Variants in TUBB6 observed in about 807,000 individuals in gnomAD.
TUBB6 encodes the protein tubulin beta 6 class V, also known as tubulin beta-6 chain.
TUBB6 carries 18 observed loss-of-function variants against 32.3 expected under a neutral mutation model. The ratio of observed to expected loss-of-function variants is 0.56; its 90% CI spans 0.39 to 0.83. The LOEUF is 0.83. TUBB6 is among the 40% of genes least tolerant of loss of function. TUBB6 has a pLI of 0.00. For synonymous variants in TUBB6, 280 were observed against 265.8 expected, an observed-to-expected ratio of 1.05 and a Z score of -0.52; for missense variants, 480 against 632.0, an observed-to-expected ratio of 0.76 and a Z score of 2.58.
chr18:12,308,426 C>A, intron 1 of TUBB6, 77 bp downstream of exon 1: 1 of 1,159,328 alleles, frequency 8.6e-7, no homozygotes, highest in Non-Finnish European at 1.1e-6. Flanking sequence ...CGACCCCCGC[C>A]GGGGCGCGCA....
chr18:12,313,816 C>G (rs1050095343), intron 3 of TUBB6, among the ~76,000 whole-genome samples: 1 of 152,170 alleles, frequency 6.6e-6, no homozygotes, highest in African/African-American at 2.4e-5. Flanking sequence ...CAGAAATGCT[C>G]ACACATAGAG....
In TUBB6 at chr18:12,325,179, G is replaced by T. The variant is rs1340712157; in HGVS notation, c.390G>T (p.Leu130=). Residue 130 remains leucine, a synonymous_variant, in exon 4 of 4, where the codon CTG becomes CTT. Coordinates refer to ENST00000317702, the MANE Select transcript of TUBB6 (RefSeq NM_032525.3). ...VRKECEHCDC[L]QGFQLTHSLG... ...AGGAGTGCGAGCACTGCGACTGCCT[G>T]CAGGGCTTCCAGCTCACGCACTCGC... is the stretch of plus-strand genomic sequence containing the variant. The T allele has an allele frequency of 4.3e-6, 7 of 1,613,886 alleles. No homozygotes were observed. Among genetic ancestry groups the T allele is most frequent in the Non-Finnish European group, 5.9e-6 (7 of 1,179,968 alleles).
At chr18:12,308,235 G>C (rs1906099450), upstream of TUBB6, 2 of 1,290,456 alleles carry the variant, frequency 1.5e-6, no homozygotes, top group Non-Finnish European at 2.0e-6. Flanking sequence ...CGCGCAGCCG[G>C]CCCGCAGTTG....
intron 3 of TUBB6, among the ~76,000 whole-genome samples, chr18:12,322,510 A>G (rs1482746287): frequency 6.6e-6 from 1 of 152,134 alleles, no homozygotes; most frequent in Non-Finnish European, 1.5e-5. Flanking sequence ...ATGCACTACC[A>G]GACCCAGCTA....
downstream of TUBB6, chr18:12,329,335 A>G (rs577014991): frequency 1.5e-5 from 10 of 672,756 alleles, no homozygotes; most frequent in Admixed American, 6.5e-5. Context: ...TGGGAGCCCA[A>G]TGAGGCTATG....
intron 3 of TUBB6, among the ~76,000 whole-genome samples, chr18:12,324,397 T>C (rs1262538162): frequency 6.6e-6 from 1 of 150,602 alleles, no homozygotes; most frequent in African/African-American, 2.4e-5. Flanking sequence ...GAAAAGAAAA[T>C]ACTTATACAT....
intron 3 of TUBB6, among the ~76,000 whole-genome samples, chr18:12,317,253 G>T (rs1906725079): frequency 6.6e-6 from 1 of 152,190 alleles, no homozygotes; most frequent in Non-Finnish European, 1.5e-5. Context: ...CTTGAGCCCA[G>T]GAGTTGAAGG....
intron 3 of TUBB6, among the ~76,000 whole-genome samples, chr18:12,321,977 T>C (rs1907012862): frequency 6.6e-6 from 1 of 152,052 alleles, no homozygotes; most frequent in Non-Finnish European, 1.5e-5. Flanking sequence ...GACCTGCAAG[T>C]TAGGTCGTTT....
chr18:12,321,537 T>A (rs1906987775), intron 3 of TUBB6, among the ~76,000 whole-genome samples: 2 of 152,218 alleles, frequency 1.3e-5, no homozygotes, highest in South Asian at 2.1e-4. Context: ...GAGGCAGCCT[T>A]GGTGGTTTCA....
rs1907323192 is a variant in TUBB6, at chr18:12,326,260, A to C, written c.*130A>C. On this transcript the variant is annotated 3_prime_UTR_variant, in exon 4 of 4. Coordinates refer to ENST00000317702, the MANE Select transcript of TUBB6 (RefSeq NM_032525.3). ...GTTGGTGTCGGCCCCTCACAAATGC[A>C]GCCAAGTCATGTAATTAGTCATCTG... 3.0e-6 allele frequency: 4 copies of C among 1,345,638 alleles called. No individual in the cohort carries two copies. Among genetic ancestry groups the C allele is most frequent in the Non-Finnish European group, 3.9e-6 (4 of 1,013,746 alleles). 83.4% of individuals were successfully genotyped at this position (1,345,638 alleles called of 1,614,324 possible).
At chr18:12,312,847 A>G (rs1292763226) in intron 3 of TUBB6, among the ~76,000 whole-genome samples, 8 of 152,002 alleles carry the variant, frequency 5.3e-5, no homozygotes, top group Admixed American at 5.2e-4. Context: ...TAAAAATACA[A>G]AATTAGCCCA....
At chr18:12,329,497 G>T, downstream of TUBB6, 1 of 1,498,958 alleles carries the variant, frequency 6.7e-7, no homozygotes, top group Non-Finnish European at 9.3e-7. Context: ...TCTTCTGAAA[G>T]CCACAGCTGA....
chr18:12,313,087 A>G (rs1906481387), intron 3 of TUBB6, among the ~76,000 whole-genome samples: 1 of 152,074 alleles, frequency 6.6e-6, no homozygotes, highest in African/African-American at 2.4e-5. Flanking sequence ...AAGTAGAAAG[A>G]AACTTCCTTT....
Position 12,311,033 on chromosome 18 carries a change from G to A in TUBB6, c.257G>A (p.Arg86Gln), listed in dbSNP as rs143181795. The change falls in exon 3 of 4, where the codon CGG becomes CAG. Residue 86 changes from arginine (R) to glutamine (Q), a missense_variant. Physicochemically the swap from Arg to Gln is conservative, Grantham distance 43. Coordinates refer to ENST00000317702, the MANE Select transcript of TUBB6 (RefSeq NM_032525.3). ...TCTGGGCCTTTTGGGCAGCTTTTCCGGCCTGACAACTTCATCTTTGGTAGG... is the reference window on the plus strand; with the variant it reads ...TCTGGGCCTTTTGGGCAGCTTTTCCAGCCTGACAACTTCATCTTTGGTAGG... ...VRSGPFGQLF[R>Q]PDNFIFGQTG... is the part of the protein sequence containing the mutation. 368 of 1,612,828 alleles carry A rather than the reference G, an allele frequency of 2.3e-4. No individual in the cohort carries two copies. Among genetic ancestry groups the A allele is most frequent in the Non-Finnish European group, 2.9e-4 (341 of 1,179,500 alleles).
At chr18:12,316,463 A>G (rs939559255) in intron 3 of TUBB6, among the ~76,000 whole-genome samples, 1 of 152,210 alleles carries the variant, frequency 6.6e-6, no homozygotes, top group Non-Finnish European at 1.5e-5. Context: ...TGCTTCTTGC[A>G]TCTTTGCTTC....
Position 12,324,951 on chromosome 18 carries a change from T to G in TUBB6, c.278-116T>G, listed in dbSNP as rs760628287. The G allele has an allele frequency of 3.2e-4, 474 of 1,503,630 alleles. 1 individual carries two copies. The highest frequency in any genetic ancestry group is 4.6e-4 in the South Asian group (33 of 72,368). 93.1% of individuals were successfully genotyped at this position (1,503,630 alleles called of 1,614,324 possible). A position where few individuals can be genotyped will look rare whatever the true frequency, so the allele number is the denominator to read the frequency against. Reference sequence around the variant, plus strand: ...GGTGGGTGCCTGTTTCCCCGGCCCCTCCCTTTGGCTAACAGCACATCATGG... The same window carrying G: ...GGTGGGTGCCTGTTTCCCCGGCCCCGCCCTTTGGCTAACAGCACATCATGG... On this transcript the variant is annotated intron_variant, in intron 3 of 3. Coordinates refer to ENST00000317702, the MANE Select transcript of TUBB6 (RefSeq NM_032525.3).
chr18:12,311,530 G>A (rs1906384335), intron 3 of TUBB6, among the ~76,000 whole-genome samples: 1 of 152,202 alleles, frequency 6.6e-6, no homozygotes, highest in Non-Finnish European at 1.5e-5. Flanking sequence ...CCGGGAGGTA[G>A]AGGTTGCAGT....
downstream of TUBB6, chr18:12,329,473 C>T (rs1169033988): frequency 2.8e-5 from 37 of 1,331,520 alleles, no homozygotes; most frequent in South Asian, 1.1e-4. Context: ...CTAAAATCAG[C>T]GCAGCATTCC....
chr18:12,308,193 G>T, upstream of TUBB6: 2 of 820,044 alleles, frequency 2.4e-6, no homozygotes, highest in Non-Finnish European at 3.1e-6. Flanking sequence ...GGCGGGGCGG[G>T]GGCGGGGGCG....
Sources: gnomAD v4.1 joint callset for allele counts (sites outside exome capture counted in the v4.1 genomes callset) on GRCh38, gnomAD v4.1.1 for gene constraint, MANE v1.5 for transcripts, NCBI Gene and HGNC (gene_info 2026-07-23, HGNC 2026-07-21) for gene names.